Variants in ANKS1B observed in about 807,000 individuals in gnomAD.
ANKS1B encodes the protein ankyrin repeat and sterile alpha motif domain containing 1B, also known as ankyrin repeat and sterile alpha motif domain-containing protein 1B.
In ANKS1B, 36 loss-of-function variants were observed where a neutral mutation model predicts 148.3. The observed-to-expected ratio is 0.24, with a 90% confidence interval of 0.19 to 0.32. The LOEUF is 0.32. ANKS1B is among the 10% of genes least tolerant of loss of function. The pLI is 1.00. For synonymous variants in ANKS1B, 542 were observed against 560.8 expected (o/e 0.97, Z 0.47); for missense variants, 1,157 against 1,542.6 (o/e 0.75, Z 4.19).
chr12:99,324,059 T>C (rs2085837742), intron 12 of ANKS1B, among the ~76,000 whole-genome samples: 1 of 152,198 alleles, frequency 6.6e-6, no homozygotes, highest in South Asian at 2.1e-4. Context: ...CTCTTAACTT[T>C]ATGCCATTCC....
chr12:98,775,460 C>CT (rs200255882), intron 24 of ANKS1B, among the ~76,000 whole-genome samples: 6 of 151,454 alleles, frequency 4.0e-5, no homozygotes, highest in East Asian at 1.9e-4. Context: ...CTCTCTCTCT[C>CT]TTTTTTTTGA....
At chr12:99,783,539 A>G (rs1442683264) in intron 4 of ANKS1B, among the ~76,000 whole-genome samples, 3 of 152,232 alleles carry the variant, frequency 2.0e-5, no homozygotes, top group Admixed American at 6.5e-5. Context: ...TAAACAATTT[A>G]ATGTAGCCAT....
At chr12:99,319,709 C>A (rs1355773821) in intron 12 of ANKS1B, among the ~76,000 whole-genome samples, 1 of 152,136 alleles carries the variant, frequency 6.6e-6, no homozygotes, top group Non-Finnish European at 1.5e-5. Flanking sequence ...GTGAATTTGA[C>A]CATGTCACTA....
intron 11 of ANKS1B, among the ~76,000 whole-genome samples, chr12:99,409,174 A>T (rs929612605): frequency 6.6e-6 from 1 of 152,254 alleles, no homozygotes; most frequent in African/African-American, 2.4e-5. Context: ...GCTATAAAAA[A>T]GAATGAGATC....
At chr12:99,127,922 A>T (rs979129993) in intron 15 of ANKS1B, among the ~76,000 whole-genome samples, 6 of 152,240 alleles carry the variant, frequency 3.9e-5, no homozygotes, top group African/African-American at 1.4e-4. Context: ...AAAGATACAT[A>T]AAATGTATTA....
intron 19 of ANKS1B, among the ~76,000 whole-genome samples, chr12:98,809,957 C>G (rs946406099): frequency 6.6e-6 from 1 of 152,108 alleles, no homozygotes; most frequent in Admixed American, 6.5e-5. Context: ...ATCAACAGGA[C>G]CCGAGGCCAT....
At chr12:99,524,177 A>G (rs1436354871) in intron 9 of ANKS1B, among the ~76,000 whole-genome samples, 1 of 152,224 alleles carries the variant, frequency 6.6e-6, no homozygotes, top group Non-Finnish European at 1.5e-5. Flanking sequence ...ATTTACAATG[A>G]CATTCAAATA....
chr12:99,035,117 T>C (rs1315023459), intron 17 of ANKS1B, among the ~76,000 whole-genome samples: 1 of 152,142 alleles, frequency 6.6e-6, no homozygotes, highest in African/African-American at 2.4e-5. Context: ...TGCCCTCCTG[T>C]TTCTCAGTCC....
At chr12:98,817,932 G>A (rs186387672) in intron 19 of ANKS1B, among the ~76,000 whole-genome samples, 1 of 152,276 alleles carries the variant, frequency 6.6e-6, no homozygotes, top group East Asian at 1.9e-4. Flanking sequence ...GCCAACAGTT[G>A]TTTCTCTAAC....
At chr12:98,942,413 G>C (rs1243879276) in intron 17 of ANKS1B, among the ~76,000 whole-genome samples, 2 of 152,290 alleles carry the variant, frequency 1.3e-5, no homozygotes, top group South Asian at 4.1e-4. Context: ...GCATGAACAA[G>C]ACCTATCTCT....
chr12:98,868,054 A>T (rs2099634587), intron 17 of ANKS1B, among the ~76,000 whole-genome samples: 1 of 152,050 alleles, frequency 6.6e-6, no homozygotes, highest in South Asian at 2.1e-4. Context: ...AGTCCCAAAC[A>T]CCTCCATCTG....
chr12:98,861,582 T>C (rs1382667706), intron 17 of ANKS1B, among the ~76,000 whole-genome samples: 1 of 152,182 alleles, frequency 6.6e-6, no homozygotes, highest in Non-Finnish European at 1.5e-5. Flanking sequence ...AAAAATGATG[T>C]TTGCCAGCTG....
chr12:99,695,052 T>A (rs1055242562), intron 8 of ANKS1B, among the ~76,000 whole-genome samples: 5 of 151,466 alleles, frequency 3.3e-5, no homozygotes, highest in African/African-American at 1.2e-4. Context: ...TTCAAACTTT[T>A]GTTACTAGGA....
chr12:98,864,679 T>C (rs551975959), intron 17 of ANKS1B, among the ~76,000 whole-genome samples: 1 of 152,326 alleles, frequency 6.6e-6, no homozygotes, highest in African/African-American at 2.4e-5. Context: ...CCTTAAAACA[T>C]ACCTTTCTAT....
chr12:98,867,046 T>C (rs767425408), intron 17 of ANKS1B, among the ~76,000 whole-genome samples: 7 of 152,210 alleles, frequency 4.6e-5, no homozygotes, highest in African/African-American at 7.2e-5. Flanking sequence ...GAGGATTATA[T>C]AGATGCATAA....
At position 98,954,765 on chromosome 12, in the gene ANKS1B, A is replaced by G. The variant is rs139570784; in HGVS notation, c.2778+98392T>C. Among the ~76,000 whole-genome samples, 7 of 152,290 alleles carry G rather than the reference A, an allele frequency of 4.6e-5. No homozygotes were observed. The East Asian group carries it at 1.4e-3, about 29-fold the overall frequency. On this transcript the variant is annotated intron_variant, in intron 17 of 26. Coordinates refer to ENST00000683438, the MANE Select transcript of ANKS1B (RefSeq NM_001352186.2). ...AGCTCTAAGACTACAAGTGTTATAGATGACTCCAGCATGCACTCATACTGC... is the reference window on the plus strand; with the variant it reads ...AGCTCTAAGACTACAAGTGTTATAGGTGACTCCAGCATGCACTCATACTGC...
intron 17 of ANKS1B, among the ~76,000 whole-genome samples, chr12:98,976,170 C>A (rs1425651721): frequency 2.6e-5 from 4 of 152,152 alleles, no homozygotes; most frequent in Non-Finnish European, 5.9e-5. Flanking sequence ...ACATATTACA[C>A]TATTGGCCGG....
intron 12 of ANKS1B, among the ~76,000 whole-genome samples, chr12:99,341,782 G>T (rs527996773): frequency 3.3e-4 from 50 of 152,154 alleles, no homozygotes; most frequent in African/African-American, 1.0e-3. Flanking sequence ...TAAGGAAATT[G>T]AGCCTTAGAA....
At position 99,341,661 on chromosome 12, in the gene ANKS1B, A is replaced by G. The variant is rs371608838; in HGVS notation, c.1756+57970T>C. Among the ~76,000 whole-genome samples the G allele has an allele frequency of 1.1e-3, 175 of 152,232 alleles. 3 individuals carry two copies. The South Asian group carries it at 0.034, about 30-fold the overall frequency. ...TTTAATTTTTCAGCTCTATGGTAGG[A>G]AGGTGAGATATAATGGATACAGAAT... On this transcript the variant is annotated intron_variant, in intron 12 of 26. Coordinates refer to ENST00000683438, the MANE Select transcript of ANKS1B (RefSeq NM_001352186.2).
Sources: allele counts gnomAD v4.1 joint callset (sites outside exome capture counted in the v4.1 genomes callset), GRCh38; gene constraint gnomAD v4.1.1; transcripts MANE v1.5; gene names NCBI Gene and HGNC (gene_info 2026-07-23, HGNC 2026-07-21).